Variants in RDX observed in about 807,000 individuals in gnomAD.
The protein encoded by RDX is radixin.
RDX carries 32 observed loss-of-function variants against 83.7 expected under a neutral mutation model. That is an observed-to-expected ratio of 0.38 (90% CI 0.29 to 0.51). The LOEUF is 0.51. Ranked by LOEUF, RDX falls within the 20% of genes least tolerant of loss-of-function variation. The pLI is 0.87. For missense variants in RDX, 600 were observed against 689.9 expected (o/e 0.87, Z 1.46); for synonymous variants, 229 against 222.7 (o/e 1.03, Z -0.25).
chr11:110,200,747 T>G (rs896241203), intron 14 of RDX, among the ~76,000 whole-genome samples: 3 of 152,246 alleles, frequency 2.0e-5, no homozygotes, highest in African/African-American at 7.2e-5. Context: ...TATTAATGGT[T>G]TTATAATTCT....
intron 15 of RDX, among the ~76,000 whole-genome samples, chr11:110,188,329 T>TAACAAC (rs1245145434): frequency 7.0e-6 from 1 of 143,060 alleles, no homozygotes; most frequent in African/African-American, 2.8e-5. Context: ...ATAATAATAA[T>TAACAAC]AATAATAACA....
At chr11:110,240,451 C>T (rs1335766561) in intron 10 of RDX, among the ~76,000 whole-genome samples, 2 of 151,960 alleles carry the variant, frequency 1.3e-5, no homozygotes, top group African/African-American at 4.8e-5. Flanking sequence ...TACTTAAAAA[C>T]GGTAAAAATA....
At chr11:110,279,344 G>A (rs1860657325) in intron 2 of RDX, among the ~76,000 whole-genome samples, 1 of 152,178 alleles carries the variant, frequency 6.6e-6, no homozygotes, top group Non-Finnish European at 1.5e-5. Flanking sequence ...TGGCCAACAT[G>A]GTGAAACCCC....
chr11:110,277,612 G>A (rs181278828), intron 2 of RDX, among the ~76,000 whole-genome samples: 76 of 151,736 alleles, frequency 5.0e-4, no homozygotes, highest in Non-Finnish European at 9.9e-4. Context: ...GATTTACCAT[G>A]CCCGGCCTAC....
intron 9 of RDX, among the ~76,000 whole-genome samples, chr11:110,250,597 C>T (rs766745367): frequency 1.3e-5 from 2 of 151,588 alleles, no homozygotes; most frequent in Non-Finnish European, 2.9e-5. Flanking sequence ...TAGCTTTTCC[C>T]TATTGATGTT....
intron 5 of RDX, among the ~76,000 whole-genome samples, chr11:110,262,877 T>C (rs1346648008): frequency 1.3e-5 from 2 of 152,172 alleles, no homozygotes; most frequent in Non-Finnish European, 2.9e-5. Context: ...TCCTATGCCA[T>C]ATTATTTTAA....
intron 3 of RDX, among the ~76,000 whole-genome samples, chr11:110,265,344 G>A (rs1281130616): frequency 6.6e-6 from 1 of 151,586 alleles, no homozygotes; most frequent in Non-Finnish European, 1.5e-5. Flanking sequence ...TGCCTGCCTC[G>A]GCCTTCCAAA....
rs1864632139 is a variant in RDX at position 110,231,455 on chromosome 11, T to A, written c.*414A>T. On this transcript the variant is annotated 3_prime_UTR_variant, in exon 14 of 14. Coordinates refer to ENST00000645495, the MANE Select transcript of RDX (RefSeq NM_002906.4). Reference sequence around the variant, plus strand: ...GAAGGGCACACTGAGAAAATGTGAGTGAGAGAGAATGTGGAAATAGGTTAA... The same window carrying A: ...GAAGGGCACACTGAGAAAATGTGAGAGAGAGAGAATGTGGAAATAGGTTAA... 4.3e-6 allele frequency: 1 copy of A among 230,944 alleles called. No individual in the cohort carries two copies. The highest frequency in any genetic ancestry group is 1.1e-4 in the East Asian group (1 of 9,296). 14.3% of individuals were successfully genotyped at this position (230,944 alleles called of 1,614,324 possible). A position where few individuals can be genotyped will look rare whatever the true frequency, so the allele number is the denominator to read the frequency against.
chr11:110,267,013 C>T (rs1860077898), intron 3 of RDX, among the ~76,000 whole-genome samples: 1 of 152,066 alleles, frequency 6.6e-6, no homozygotes, highest in Non-Finnish European at 1.5e-5. Context: ...AGTGATCCTC[C>T]CACCTCAGCC....
intron 15 of RDX, among the ~76,000 whole-genome samples, chr11:110,194,196 G>A (rs745755): frequency 0.45 from 67,625 of 151,678 alleles, 15,232 homozygotes; most frequent in East Asian, 0.6. Context: ...TCTCTTCCAG[G>A]CTGTATTTTT....
chr11:110,202,692 G>T (rs1028909886), intron 14 of RDX, among the ~76,000 whole-genome samples: 2 of 149,430 alleles, frequency 1.3e-5, no homozygotes, highest in Non-Finnish European at 3.0e-5. Flanking sequence ...CAATCCTCCT[G>T]GGATTACAAG....
intron 5 of RDX, among the ~76,000 whole-genome samples, chr11:110,262,542 C>T (rs921581761): frequency 2.6e-5 from 4 of 151,108 alleles, no homozygotes; most frequent in Admixed American, 2.6e-4. Context: ...GAGCCGAGAT[C>T]GTGCCACTGC....
chr11:110,286,312 G>A (rs1375735732), intron 1 of RDX, among the ~76,000 whole-genome samples: 2 of 152,138 alleles, frequency 1.3e-5, no homozygotes, highest in Non-Finnish European at 2.9e-5. Context: ...CTCCCATCTC[G>A]AGAAAACCAC....
chr11:110,199,742 TG>T, intron 14 of RDX: 1 of 702,708 alleles, frequency 1.4e-6, no homozygotes, highest in Admixed American at 2.0e-5. Flanking sequence ...GGAAGCTGAA[TG>T]GGCAGGCTGA....
intron 15 of RDX, among the ~76,000 whole-genome samples, chr11:110,193,746 A>G (rs1863148460): frequency 6.6e-6 from 1 of 152,186 alleles, no homozygotes; most frequent in African/African-American, 2.4e-5. Flanking sequence ...TGATGTGTCC[A>G]AATTCCAACT....
At chr11:110,242,950 C>T (rs1225445055) in intron 10 of RDX, among the ~76,000 whole-genome samples, 3 of 151,912 alleles carry the variant, frequency 2.0e-5, no homozygotes, top group Non-Finnish European at 4.4e-5. Context: ...GCTGCTTTCA[C>T]ACTGCAATAG....
chr11:110,215,113 C>T (rs1214988715), intron 14 of RDX, among the ~76,000 whole-genome samples: 1 of 148,756 alleles, frequency 6.7e-6, no homozygotes, highest in East Asian at 2.0e-4. Context: ...GTGATCCCAG[C>T]ACTTTGGAAG....
chr11:110,189,242 G>GAAAAAAAAAAAAAAAAAAAAAAA (rs1565282257), intron 15 of RDX, among the ~76,000 whole-genome samples: 2 of 38,000 alleles, frequency 5.3e-5, no homozygotes, highest in African/African-American at 2.5e-4. Context: ...TGAACAACAG[G>GAAAAAAAAAAAAAAAAAAAAAAA]TAAAAAAAAA....
Position 110,235,154 on chromosome 11 carries a change from C to T in RDX, c.1344+945G>A, listed in dbSNP as rs1864792674. On this transcript the variant is annotated intron_variant, in intron 12 of 13. Transcript: ENST00000645495. ...GCTGCTTGAGGCCAGCAGTTCAAGACCAACCTGGGTTACACAGCAAGACCT... is the reference window on the plus strand; with the variant it reads ...GCTGCTTGAGGCCAGCAGTTCAAGATCAACCTGGGTTACACAGCAAGACCT... 1.3e-5 allele frequency among the ~76,000 whole-genome samples: 2 copies of T among 151,924 alleles called. 1 individual carries two copies. The highest frequency in any genetic ancestry group is 4.2e-4 in the South Asian group (2 of 4,808).
Sources: gnomAD v4.1 joint callset for allele counts (sites outside exome capture counted in the v4.1 genomes callset) on GRCh38, gnomAD v4.1.1 for gene constraint, MANE v1.5 for transcripts, NCBI Gene and HGNC (gene_info 2026-07-23, HGNC 2026-07-21) for gene names.